Variants in CNTNAP2 observed in about 807,000 individuals in gnomAD.
CNTNAP2 encodes contactin associated protein 2, also known as contactin-associated protein-like 2.
CNTNAP2 carries 98 observed loss-of-function variants against 155.2 expected under a neutral mutation model. That is an observed-to-expected ratio of 0.63 (90% CI 0.54 to 0.75). The LOEUF is 0.75. Among genes scored for constraint, CNTNAP2 ranks in the 30% least tolerant of loss-of-function variants. CNTNAP2 has a pLI of 0.00. For synonymous variants in CNTNAP2, 651 were observed against 631.2 expected (o/e 1.03, Z -0.47); for missense variants, 1,727 against 1,688.1 (o/e 1.02, Z -0.40).
In CNTNAP2 at chr7:147,316,372, G is replaced by T. The variant is rs148785931; in HGVS notation, c.1498+16082G>T. ...AGAGGAGGATTAGAAGAGAGGCAAA[G>T]AAAGCATCAGAAAAATAAGACACTG... On this transcript the variant is annotated intron_variant, in intron 9 of 23. Coordinates refer to ENST00000361727, the MANE Select transcript of CNTNAP2 (RefSeq NM_014141.6). Among the ~76,000 whole-genome samples, 1,020 of 152,190 alleles carry T rather than the reference G, an allele frequency of 6.7e-3. 6 individuals carry two copies. The highest frequency in any genetic ancestry group is 0.017 in the Middle Eastern group (5 of 292).
At chr7:147,842,582 CTTTTCTTT>C (rs1165062740) in intron 13 of CNTNAP2, among the ~76,000 whole-genome samples, 6 of 55,168 alleles carry the variant, frequency 1.1e-4, no homozygotes, top group African/African-American at 4.5e-4. Flanking sequence ...TTACTTTTTA[CTTTTCTTT>C]TTTTTTTTTT....
chr7:146,575,465 A>T (rs1194251854), intron 1 of CNTNAP2, among the ~76,000 whole-genome samples: 2 of 152,192 alleles, frequency 1.3e-5, no homozygotes, highest in Non-Finnish European at 2.9e-5. Context: ...TTTACTTGTA[A>T]TTAATTGTAA....
chr7:146,146,742 G>A (rs1797963397), intron 1 of CNTNAP2, among the ~76,000 whole-genome samples: 1 of 152,150 alleles, frequency 6.6e-6, no homozygotes, highest in South Asian at 2.1e-4. Flanking sequence ...TTTATTAATA[G>A]CTAAACAATA....
intron 10 of CNTNAP2, among the ~76,000 whole-genome samples, chr7:147,410,472 G>A (rs1797085079): frequency 6.6e-6 from 1 of 152,140 alleles, no homozygotes; most frequent in South Asian, 2.1e-4. Flanking sequence ...GAAATAATCT[G>A]TACAACAAAC....
intron 10 of CNTNAP2, among the ~76,000 whole-genome samples, chr7:147,476,710 T>C (rs1798326367): frequency 6.6e-6 from 1 of 152,046 alleles, no homozygotes. Flanking sequence ...GTGGATCACT[T>C]GAAGTCAGGA....
intron 1 of CNTNAP2, among the ~76,000 whole-genome samples, chr7:146,534,413 T>C (rs573242503): frequency 6.6e-6 from 1 of 152,214 alleles, no homozygotes; most frequent in Non-Finnish European, 1.5e-5. Flanking sequence ...AGTGATACAA[T>C]ATGAGTGCCT....
chr7:147,656,968 G>A (rs1795535025), intron 13 of CNTNAP2, among the ~76,000 whole-genome samples: 1 of 151,988 alleles, frequency 6.6e-6, no homozygotes, highest in Non-Finnish European at 1.5e-5. Context: ...TGTGTGTGTG[G>A]TTTAAATATA....
At chr7:146,773,261 A>G (rs1353319721) in intron 1 of CNTNAP2, among the ~76,000 whole-genome samples, 1 of 152,252 alleles carries the variant, frequency 6.6e-6, no homozygotes, top group Non-Finnish European at 1.5e-5. Context: ...AGAAAGTGTT[A>G]CAAATAGAAT....
At chr7:146,488,653 G>A (rs917636436) in intron 1 of CNTNAP2, among the ~76,000 whole-genome samples, 6 of 151,850 alleles carry the variant, frequency 4.0e-5, no homozygotes, top group Admixed American at 2.6e-4. Flanking sequence ...TTTGAGACAG[G>A]GTCTCACTCT....
At chr7:146,451,352 G>T in intron 1 of CNTNAP2, among the ~76,000 whole-genome samples, 1 of 152,184 alleles carries the variant, frequency 6.6e-6, no homozygotes, top group African/African-American at 2.4e-5. Flanking sequence ...GTATTCAGTC[G>T]ATTTCCCTTT....
chr7:147,090,083 G>A (rs939775814), intron 4 of CNTNAP2, among the ~76,000 whole-genome samples: 1 of 152,162 alleles, frequency 6.6e-6, no homozygotes, highest in African/African-American at 2.4e-5. Flanking sequence ...ATACAGAACA[G>A]TAAGGGAGGG....
Position 147,657,429 on chromosome 7 carries a change from A to G in CNTNAP2, c.2098+18123A>G, listed in dbSNP as rs376331146. On this transcript the variant is annotated intron_variant, in intron 13 of 23. Coordinates refer to ENST00000361727, the MANE Select transcript of CNTNAP2 (RefSeq NM_014141.6). ...AATATGGGAGATAAAGATCTAAGGT[A>G]ACATAGACTAAATGTAAATTTTAAA... 5.9e-5 allele frequency among the ~76,000 whole-genome samples: 9 copies of G among 152,224 alleles called. No homozygotes were observed. The South Asian group carries it at 1.0e-3, about 18-fold the overall frequency.
At chr7:148,288,976 A>AG (rs1563027236) in intron 21 of CNTNAP2, among the ~76,000 whole-genome samples, 2 of 143,514 alleles carry the variant, frequency 1.4e-5, no homozygotes, top group Non-Finnish European at 3.0e-5. Flanking sequence ...AAAAGAGAGA[A>AG]AAACCCACTT....
chr7:146,444,173 C>T (rs1423206802), intron 1 of CNTNAP2, among the ~76,000 whole-genome samples: 2 of 151,992 alleles, frequency 1.3e-5, no homozygotes, highest in African/African-American at 4.8e-5. Flanking sequence ...TACAGGCACT[C>T]GCCACCATGC....
chr7:147,920,143 G>C (rs1800246028), intron 14 of CNTNAP2, among the ~76,000 whole-genome samples: 3 of 151,688 alleles, frequency 2.0e-5, no homozygotes, highest in Admixed American at 2.0e-4. Context: ...CAGATCACCA[G>C]GTCAGGGGTT....
intron 13 of CNTNAP2, among the ~76,000 whole-genome samples, chr7:147,888,619 GA>G (rs1799636253): frequency 6.7e-6 from 1 of 149,284 alleles, no homozygotes; most frequent in African/African-American, 2.4e-5. Context: ...ATGTAAGCCA[GA>G]ATGAAAGCAA....
chr7:147,554,619 C>T (rs1156776674), intron 11 of CNTNAP2, among the ~76,000 whole-genome samples: 1 of 152,084 alleles, frequency 6.6e-6, no homozygotes, highest in African/African-American at 2.4e-5. Flanking sequence ...AATTTCCTCC[C>T]TCCCCTTGAG....
At chr7:148,411,902 C>CTA (rs1185420903) in intron 23 of CNTNAP2, among the ~76,000 whole-genome samples, 1 of 151,240 alleles carries the variant, frequency 6.6e-6, no homozygotes, top group African/African-American at 2.4e-5. Flanking sequence ...TTTTGTTGGT[C>CTA]TATATATATC....
rs766697960 is a variant in CNTNAP2 at position 146,352,771 on chromosome 7, TC to T, written c.97+235799del. 3.9e-4 allele frequency among the ~76,000 whole-genome samples: 56 copies of T among 142,654 alleles called. 1 individual carries two copies. Among genetic ancestry groups the T allele is most frequent in the Middle Eastern group, 3.6e-3 (1 of 276 alleles). 93.6% of individuals were successfully genotyped at this position (142,654 alleles called of 152,430 possible). A position where few individuals can be genotyped will look rare whatever the true frequency, so the allele number is the denominator to read the frequency against. On this transcript the variant is annotated intron_variant, in intron 1 of 23. Transcript: ENST00000361727. ...TTCTGTTTTTTTTTTTTTTTTTTTT[TC>T]GAGACAGAGTCTCTCTCTGTCGCCC...
Sources: allele counts gnomAD v4.1 joint callset (sites outside exome capture counted in the v4.1 genomes callset), GRCh38; gene constraint gnomAD v4.1.1; transcripts MANE v1.5; gene names NCBI Gene and HGNC (gene_info 2026-07-23, HGNC 2026-07-21).